Variants in SYMPK observed in about 807,000 individuals in gnomAD.
The protein encoded by SYMPK is symplekin.
A neutral mutation model predicts 136.4 loss-of-function variants in SYMPK; 49 were observed. The observed-to-expected ratio is 0.36, with a 90% CI of 0.29 to 0.46. The LOEUF (loss-of-function observed/expected upper bound fraction) is 0.46. SYMPK is among the 20% of genes least tolerant of loss of function. The pLI is 1.00. For synonymous variants in SYMPK, 766 were observed against 713.0 expected (o/e 1.07, Z -1.19); for missense variants, 1,365 against 1,690.0 (o/e 0.81, Z 3.37).
At position 45,856,791 on chromosome 19, in the gene SYMPK, T is replaced by C. The variant is rs1238164820; in HGVS notation, c.-12-2284A>G. Among the ~76,000 whole-genome samples the C allele has an allele frequency of 2.0e-4, 31 of 151,940 alleles. 1 individual carries two copies. The highest frequency in any genetic ancestry group is 2.0e-3 in the Admixed American group (31 of 15,232). On this transcript the variant is annotated intron_variant, in intron 1 of 26. Coordinates refer to ENST00000245934, the MANE Select transcript of SYMPK (RefSeq NM_004819.3). ...GTGAGCTGTGATCCCTACCACTGCA[T>C]TCCAGCCTGCGGACAGAGCAACACC... is the stretch of plus-strand genomic sequence containing the variant.
In SYMPK at chr19:45,853,402, G is replaced by A. The variant is rs1050630467; in HGVS notation, c.171+773C>T. 5.3e-5 allele frequency among the ~76,000 whole-genome samples: 8 copies of A among 152,144 alleles called. No individual in the cohort carries two copies. In the East Asian group the frequency reaches 1.2e-3, roughly 22 times the overall value. On this transcript the variant is annotated intron_variant, in intron 3 of 26. Coordinates refer to ENST00000245934, the MANE Select transcript of SYMPK (RefSeq NM_004819.3). Reference sequence around the variant, plus strand: ...CCTGTAATCCCAGCAGTTTGCGGGGGCCAAGGAGGGTGGACCACTTGAGCT... The same window carrying A: ...CCTGTAATCCCAGCAGTTTGCGGGGACCAAGGAGGGTGGACCACTTGAGCT...
chr19:45,844,398 C>T (rs763028110), intron 7 of SYMPK, among the ~76,000 whole-genome samples, 198 bp from the exon 8 acceptor site: 14 of 152,150 alleles, frequency 9.2e-5, no homozygotes, highest in Non-Finnish European at 8.8e-5. Context: ...AGGGGCTAGA[C>T]GCAGTGGCTC....
At chr19:45,848,897 G>C (rs1420207932) in intron 5 of SYMPK, 21 bp from the exon 6 acceptor site, 1 of 1,613,590 alleles carries the variant, frequency 6.2e-7, no homozygotes, top group African/African-American at 1.3e-5. Flanking sequence ...GAGAAAAAAG[G>C]GGCGAGGTCA....
chr19:45,857,713 G>C (rs533941504), intron 1 of SYMPK, among the ~76,000 whole-genome samples: 4 of 151,396 alleles, frequency 2.6e-5, no homozygotes, highest in Non-Finnish European at 4.4e-5. Flanking sequence ...GGATGGTCTC[G>C]ATCTCCTGAC....
At chr19:45,823,980 G>C in intron 18 of SYMPK, 105 bp from the exon 19 acceptor site, 1 of 710,196 alleles carries the variant, frequency 1.4e-6, no homozygotes, top group Non-Finnish European at 2.4e-6. Context: ...CCCAGGGTGA[G>C]ACTGAGGTGA....
intron 22 of SYMPK, chr19:45,819,973 G>A (rs1970851107): frequency 6.6e-6 from 1 of 152,472 alleles, no homozygotes. Context: ...GTTGAAGGGT[G>A]GGGTGGTGTA....
chr19:45,858,116 T>A (rs1374309773), intron 1 of SYMPK, among the ~76,000 whole-genome samples: 5 of 151,998 alleles, frequency 3.3e-5, no homozygotes, highest in African/African-American at 1.2e-4. Flanking sequence ...ACACGTTTTT[T>A]AAAAGGAACT....
chr19:45,847,689 G>C (rs1486759825), intron 7 of SYMPK, 63 bp downstream of exon 7: 1 of 1,554,256 alleles, frequency 6.4e-7, no homozygotes, highest in African/African-American at 1.4e-5. Context: ...AGAGAGGGAG[G>C]GGCGTGAAGG....
intron 7 of SYMPK, among the ~76,000 whole-genome samples, chr19:45,846,487 A>G (rs185384662): frequency 6.6e-5 from 10 of 152,338 alleles, no homozygotes; most frequent in African/African-American, 1.9e-4. Flanking sequence ...TAGATGCCAT[A>G]ATAACGATCC....
In SYMPK at chr19:45,825,234, C is replaced by T. The variant is rs747848815; in HGVS notation, c.2427G>A (p.Ala809=). ...PQNHKLIHEL[A]AVYTEAIADI... is the part of the protein sequence containing the mutation. ...CGGCGATGGCTTCAGTGTACACGGC[C>T]GCCAGTTCGTGGATCAGCTTGTGGT... Residue 809 remains alanine, a synonymous_variant, in exon 18 of 27, where the codon GCG becomes GCA. Transcript: ENST00000245934. 13 of 1,614,040 alleles carry T rather than the reference C, an allele frequency of 8.1e-6. No individual in the cohort carries two copies. Among genetic ancestry groups the T allele is most frequent in the Middle Eastern group, 1.6e-4 (1 of 6,084 alleles).
intron 22 of SYMPK, 121 bp from the exon 23 acceptor site, chr19:45,818,267 G>T: frequency 3.7e-6 from 4 of 1,082,260 alleles, no homozygotes; most frequent in South Asian, 1.8e-5. Context: ...GACTTCTAAA[G>T]CCCCTGCGGG....
At chr19:45,828,019 C>G in intron 14 of SYMPK, 101 bp from the exon 15 acceptor site, 2 of 1,039,808 alleles carry the variant, frequency 1.9e-6, no homozygotes, top group Non-Finnish European at 3.0e-6. Flanking sequence ...GGCCCTCCCT[C>G]AGGGGCTGCT....
At chr19:45,830,561 A>T (rs1296842398) in intron 12 of SYMPK, 1 of 209,912 alleles carries the variant, frequency 4.8e-6, no homozygotes, top group African/African-American at 2.3e-5. Context: ...AGCAGAAGAG[A>T]GCTCGGAGGG....
intron 10 of SYMPK, among the ~76,000 whole-genome samples, chr19:45,838,198 C>T (rs1176702246): frequency 6.6e-6 from 1 of 151,962 alleles, no homozygotes; most frequent in African/African-American, 2.4e-5. Context: ...TTCTCCTGCT[C>T]CTGCTCTGCC....
chr19:45,828,664 G>T, intron 14 of SYMPK: 1 of 441,228 alleles, frequency 2.3e-6, no homozygotes, highest in Non-Finnish European at 4.2e-6. Flanking sequence ...CAGGCCCATG[G>T]GTGAGCACTG....
In SYMPK at chr19:45,830,086, C is replaced by T; in HGVS notation, c.1717G>A (p.Glu573Lys). The T allele has an allele frequency of 1.9e-6, 3 of 1,561,562 alleles. No individual in the cohort carries two copies. The highest frequency in any genetic ancestry group is 2.6e-6 in the Non-Finnish European group (3 of 1,151,552). Residue 573 changes from glutamate to lysine, a missense_variant, in exon 13 of 27, where the codon GAG (glutamate) becomes AAG (lysine). Glu to Lys is a moderately conservative substitution (Grantham distance 56, BLOSUM62 1). Around this residue, in one of 11 missense-constraint regions of SYMPK, gnomAD observed 303 missense variants for 326.6 expected, o/e 0.93. Transcript: ENST00000245934. ...GCCCCGCTGCAGGCCACAGCCTTCT[C>T]AGCCCGCAGGATCCGCTTCACAGCG... ...LGAVKRILRA[E>K]KAVACSGAAQ...
chr19:45,827,611 G>C lies in SYMPK; in HGVS notation c.2080C>G (p.Leu694Val). 1 of 1,614,164 alleles carries C rather than the reference G, an allele frequency of 6.2e-7. No individual in the cohort carries two copies. The highest frequency in any genetic ancestry group is 8.5e-7 in the Non-Finnish European group (1 of 1,179,998). The part of the protein sequence containing the change: ...KYCEDESRTY[L>V]GMSTLRDLIF... The stretch of plus-strand genomic sequence containing the variant: ...AGGTCTCGAAGTGTGGACATGCCCA[G>C]ATAGGTGCGACTCTGCAGCAAAAGG... Residue 694 changes from leucine (L) to valine (V), a missense_variant, in exon 16 of 27, where the codon CTG becomes GTG. Physicochemically the swap from Leu to Val is conservative, Grantham distance 32. This residue lies in a region of SYMPK where 303 missense variants were observed against 326.6 expected (regional missense o/e 0.93). Transcript: ENST00000245934.
chr19:45,830,566 G>A (rs953053488), intron 12 of SYMPK: 7 of 206,194 alleles, frequency 3.4e-5, no homozygotes, highest in Admixed American at 2.6e-4. Context: ...AAGAGAGCTC[G>A]GAGGGTAGCA....
chr19:45,862,807 T>C (rs879932235), intron 1 of SYMPK, among the ~76,000 whole-genome samples: 2 of 151,170 alleles, frequency 1.3e-5, no homozygotes, highest in African/African-American at 2.4e-5. Flanking sequence ...CTGTTAGAGG[T>C]GGGGGAAAAA....
Sources: allele counts gnomAD v4.1 joint callset (sites outside exome capture counted in the v4.1 genomes callset), GRCh38; gene constraint gnomAD v4.1.1; regional missense constraint gnomAD v4.1.1; transcripts MANE v1.5; gene names NCBI Gene and HGNC (gene_info 2026-07-23, HGNC 2026-07-21).